Variants in ANO1 observed in about 807,000 individuals in gnomAD.
The protein encoded by ANO1 is anoctamin 1, also known as anoctamin-1.
A neutral mutation model predicts 124.0 loss-of-function variants in ANO1; 59 were observed. That is an observed-to-expected ratio of 0.48 (90% CI 0.39 to 0.59). The LOEUF (loss-of-function observed/expected upper bound fraction) is 0.59, where lower values mean the gene tolerates loss of function less well. ANO1 is among the 20% of genes least tolerant of loss of function. The probability of loss-of-function intolerance (pLI) is 0.00; values close to 1 mark genes in which losing one functional copy is unlikely to be tolerated. For synonymous variants in ANO1, 529 were observed against 532.0 expected (o/e 0.99, Z 0.08); for missense variants, 1,059 against 1,328.0 (o/e 0.80, Z 3.15).
chr11:69,984,252 T>A (rs1855984409), upstream of ANO1, among the ~76,000 whole-genome samples: 1 of 152,212 alleles, frequency 6.6e-6, no homozygotes. Context: ...CTGATTTCCA[T>A]CCATCCTCTT....
At chr11:70,126,326 C>A in intron 10 of ANO1, 131 bp downstream of exon 10, 2 of 1,194,952 alleles carry the variant, frequency 1.7e-6, no homozygotes, top group Non-Finnish European at 2.3e-6. Context: ...CACGCCAAGC[C>A]ACGAGCCGTC....
chr11:70,020,438 C>T (rs1418811642), intron 1 of ANO1, among the ~76,000 whole-genome samples: 6 of 152,174 alleles, frequency 3.9e-5, no homozygotes, highest in African/African-American at 2.4e-5. Context: ...TCAGACTGGT[C>T]CACCCTCCCC....
intron 20 of ANO1, among the ~76,000 whole-genome samples, chr11:70,166,860 T>C (rs59788403): frequency 0.014 from 2,074 of 152,270 alleles, 55 homozygotes; most frequent in African/African-American, 0.047. Flanking sequence ...GAAATATCAC[T>C]GGAGGCCAGG....
At chr11:70,047,644 A>C (rs1857282430) in intron 1 of ANO1, among the ~76,000 whole-genome samples, 1 of 152,246 alleles carries the variant, frequency 6.6e-6, no homozygotes, top group African/African-American at 2.4e-5. Context: ...AATGGTTTGA[A>C]TCATAATGAT....
chr11:70,052,595 C>G (rs1415631214), intron 1 of ANO1, among the ~76,000 whole-genome samples: 1 of 120,674 alleles, frequency 8.3e-6, no homozygotes, highest in Non-Finnish European at 1.6e-5. Flanking sequence ...TCTTTTCGCC[C>G]AGGCTGGAGT....
At chr11:70,089,754 G>A (rs967279935) in intron 2 of ANO1, among the ~76,000 whole-genome samples, 2 of 152,214 alleles carry the variant, frequency 1.3e-5, no homozygotes, top group African/African-American at 4.8e-5. Flanking sequence ...TTAGACACTT[G>A]GAACAGGCGA....
chr11:69,986,262 G>C (rs941215397), intron 1 of ANO1: 1 of 152,412 alleles, frequency 6.6e-6, no homozygotes, highest in African/African-American at 2.4e-5. Context: ...GAGGACTCAG[G>C]GGCGCACGAG....
At chr11:70,152,575 G>T in intron 13 of ANO1, 114 bp downstream of exon 13, 1 of 1,271,714 alleles carries the variant, frequency 7.9e-7, no homozygotes. Context: ...TCCTCCACGC[G>T]GGTGGGGTCT....
At chr11:70,120,294 C>G (rs570843108) in intron 8 of ANO1, among the ~76,000 whole-genome samples, 3 of 152,066 alleles carry the variant, frequency 2.0e-5, no homozygotes, top group Non-Finnish European at 4.4e-5. Flanking sequence ...ACTTGGGAGC[C>G]CCTTCCTCCA....
chr11:70,064,289 C>T (rs1267142222), intron 1 of ANO1: 1 of 152,286 alleles, frequency 6.6e-6, no homozygotes, highest in East Asian at 1.9e-4. Flanking sequence ...TTCACTCCCC[C>T]TCACCCTCCT....
rs556811704 is a variant in ANO1, at chr11:70,008,557, G to C, written c.58+22391G>C. On this transcript the variant is annotated intron_variant, in intron 1 of 27. Transcript: ENST00000531349. ...GTGGAAGATCATTTGACCATGTCCA[G>C]GAGGGTTTATTTCTGGGCTCTCTGT... Among the ~76,000 whole-genome samples the C allele has an allele frequency of 2.4e-4, 36 of 152,256 alleles. No individual in the cohort carries two copies. In the South Asian group the frequency reaches 7.5e-3, roughly 32 times the overall value.
chr11:70,130,592 T>C (rs1305613802), intron 10 of ANO1, among the ~76,000 whole-genome samples: 1 of 152,194 alleles, frequency 6.6e-6, no homozygotes, highest in African/African-American at 2.4e-5. Flanking sequence ...AGCCTGGAAG[T>C]ATTAGTATTT....
intron 1 of ANO1, among the ~76,000 whole-genome samples, chr11:70,057,704 C>A (rs185540749): frequency 6.6e-6 from 1 of 151,742 alleles, no homozygotes; most frequent in Non-Finnish European, 1.5e-5. Flanking sequence ...TTGGTTGGGG[C>A]GGGGCAGGAA....
chr11:69,973,818 G>T, the ANO1 span, among the ~76,000 whole-genome samples: 2 of 151,374 alleles, frequency 1.3e-5, no homozygotes, highest in Admixed American at 1.3e-4. Context: ...GTTGCAGTGA[G>T]TCGAGATCAT....
intron 1 of ANO1, among the ~76,000 whole-genome samples, chr11:70,034,512 A>C (rs1352420785): frequency 6.6e-6 from 1 of 152,158 alleles, no homozygotes; most frequent in African/African-American, 2.4e-5. Flanking sequence ...TATGTAAAAA[A>C]CCAACAAAAA....
chr11:70,034,200 G>A (rs1857055829), intron 1 of ANO1, among the ~76,000 whole-genome samples: 1 of 152,086 alleles, frequency 6.6e-6, no homozygotes. Flanking sequence ...GAAAAAGTCA[G>A]CCGATACCTA....
At chr11:70,178,632 C>T (rs530159394) in intron 22 of ANO1, among the ~76,000 whole-genome samples, 5 of 151,592 alleles carry the variant, frequency 3.3e-5, no homozygotes, top group Admixed American at 6.6e-5. Flanking sequence ...GGCGTGATCT[C>T]GGCTCCCCAT....
chr11:70,162,863 C>T (rs1213437568), intron 18 of ANO1, among the ~76,000 whole-genome samples: 3 of 152,268 alleles, frequency 2.0e-5, no homozygotes, highest in African/African-American at 7.2e-5. Context: ...TTGGCCACCA[C>T]CTGCCCCAGC....
intron 1 of ANO1, among the ~76,000 whole-genome samples, chr11:70,048,068 T>C (rs1391722914): frequency 4.6e-5 from 7 of 152,246 alleles, no homozygotes; most frequent in African/African-American, 1.7e-4. Flanking sequence ...TTCCAAATAT[T>C]TTGGTGAAAA....
Sources: gnomAD v4.1 joint callset for allele counts (sites outside exome capture counted in the v4.1 genomes callset) on GRCh38, gnomAD v4.1.1 for gene constraint, MANE v1.5 for transcripts, NCBI Gene and HGNC (gene_info 2026-07-23, HGNC 2026-07-21) for gene names.